Variants in ZNF570 observed in about 807,000 individuals in gnomAD.
The protein encoded by ZNF570 is zinc finger protein 570.
A neutral mutation model predicts 14.2 loss-of-function variants in ZNF570; 8 were observed. The ratio of observed to expected loss-of-function variants is 0.56; its 90% CI spans 0.33 to 1.02. ZNF570 has a LOEUF of 1.02. Ranked by LOEUF, ZNF570 falls within the 50% of genes least tolerant of loss-of-function variation. The pLI, the probability that ZNF570 is intolerant of heterozygous loss-of-function variation, is 0.03. For missense variants in ZNF570, 559 were observed against 624.9 expected (o/e 0.89, Z 1.12); for synonymous variants, 202 against 207.6 (o/e 0.97, Z 0.23).
At chr19:37,470,412 C>G (rs754392546) in intron 2 of ZNF570, 25 bp downstream of exon 2, 2 of 1,605,034 alleles carry the variant, frequency 1.2e-6, no homozygotes, top group Non-Finnish European at 1.7e-6. Context: ...TCTCGATTTC[C>G]TGAATACCTG....
intron 4 of ZNF570, among the ~76,000 whole-genome samples, chr19:37,477,088 C>A (rs2042034450): frequency 6.6e-6 from 1 of 152,044 alleles, no homozygotes; most frequent in Non-Finnish European, 1.5e-5. Context: ...GGATCTGATG[C>A]TATCTCCAGG....
intron 4 of ZNF570, among the ~76,000 whole-genome samples, chr19:37,482,023 A>T (rs778143448): frequency 2.0e-5 from 3 of 152,224 alleles, no homozygotes; most frequent in Non-Finnish European, 2.9e-5. Context: ...AAGTGGAATC[A>T]TACAGTATTT....
rs1346688049 is a variant in ZNF570, at chr19:37,484,865, A to G, written c.1243A>G (p.Lys415Glu). The change falls in exon 5 of 5, where the codon AAG (lysine) becomes GAG (glutamate). Residue 415 changes from lysine (K) to glutamate (E), a missense_variant. Physicochemically the swap from Lys to Glu is moderately conservative, Grantham distance 56. Transcript: ENST00000330173. ...AATTCATACTGGAGAAAAACCTTAT[A>G]AGTGTCAGGAATGTAGGAAAGCATT... ...QRIHTGEKPY[K>E]CQECRKAFSQ... 1 of 1,608,780 alleles carries G rather than the reference A, an allele frequency of 6.2e-7. No individual in the cohort carries two copies. The highest frequency in any genetic ancestry group is 1.1e-5 in the South Asian group (1 of 90,796).
chr19:37,476,367 A>G lies in ZNF570; in HGVS notation c.189A>G (p.Ile63Met). Residue 63 changes from isoleucine to methionine, a missense_variant, in exon 4 of 5, where the codon ATA becomes ATG. By Grantham distance (10) the Ile-to-Met change is conservative. Transcript: ENST00000330173. ...TTTGCTTTTCCAAACCAAGTGTGAT[A>G]TTATTGTTGGAACAAGGAAAAGCAC... ...LGLCFSKPSV[I>M]LLLEQGKAPW... 1.2e-6 allele frequency: 2 copies of G among 1,613,888 alleles called. No homozygotes were observed. The highest frequency in any genetic ancestry group is 8.5e-7 in the Non-Finnish European group (1 of 1,179,966).
intron 2 of ZNF570, 76 bp from the exon 3 acceptor site, chr19:37,475,805 A>G: frequency 7.3e-7 from 1 of 1,377,706 alleles, no homozygotes; most frequent in Non-Finnish European, 9.9e-7. Flanking sequence ...TATCAGAGAG[A>G]GCCCAGTGTG....
intron 2 of ZNF570, among the ~76,000 whole-genome samples, chr19:37,473,770 C>T (rs2041995441): frequency 6.6e-6 from 1 of 152,126 alleles, no homozygotes; most frequent in South Asian, 2.1e-4. Context: ...TCGAAGTGAC[C>T]AAAGAATGAT....
intron 2 of ZNF570, among the ~76,000 whole-genome samples, chr19:37,473,574 A>G (rs572869091): frequency 2.0e-5 from 3 of 152,288 alleles, no homozygotes; most frequent in East Asian, 3.9e-4. Context: ...GTTGAGGTAT[A>G]GGAGGTAGAA....
chr19:37,473,177 G>C (rs960914417), intron 2 of ZNF570, among the ~76,000 whole-genome samples: 1 of 152,182 alleles, frequency 6.6e-6, no homozygotes, highest in African/African-American at 2.4e-5. Flanking sequence ...CAGAGTGAAG[G>C]GATGAATGGA....
At chr19:37,477,288 C>CT (rs1491116906) in intron 4 of ZNF570, among the ~76,000 whole-genome samples, 17 of 115,430 alleles carry the variant, frequency 1.5e-4, no homozygotes, top group African/African-American at 5.1e-4. Context: ...GGGAGGTTGT[C>CT]GTGTGTGTGT....
At position 37,487,074 on chromosome 19, in the gene ZNF570, C is replaced by A. The variant is rs373058796; in HGVS notation, c.*1841C>A. The A allele has an allele frequency of 6.6e-6, 1 of 151,816 alleles. No individual in the cohort carries two copies. The highest frequency in any genetic ancestry group is 3.2e-3 in the Middle Eastern group (1 of 314). 9.4% of individuals were successfully genotyped at this position (151,816 alleles called of 1,614,324 possible). On this transcript the variant is annotated 3_prime_UTR_variant, in exon 5 of 5. Transcript: ENST00000330173. ...ACAGTTAGCCAGGTGTGGTGGCGCACGCCTGTAATCCCAGCTACTCAGGAG... is the reference window on the plus strand; with the variant it reads ...ACAGTTAGCCAGGTGTGGTGGCGCAAGCCTGTAATCCCAGCTACTCAGGAG...
chr19:37,473,671 T>C (rs368731897), intron 2 of ZNF570, among the ~76,000 whole-genome samples: 2 of 152,036 alleles, frequency 1.3e-5, no homozygotes, highest in Admixed American at 1.3e-4. Context: ...AATGAATGAC[T>C]GTAGAAGCGT....
In ZNF570 at chr19:37,488,309, TTTATA is replaced by T. The variant is rs2042177367; in HGVS notation, c.*3078_*3082del. On this transcript the variant is annotated 3_prime_UTR_variant, in exon 5 of 5. Transcript: ENST00000330173. ...TTAATGAAATTGAACTACAGACTAT[TTTATA>T]TAATACAGTATAACGTACAATTTCA... 6.6e-6 allele frequency: 1 copy of T among 152,132 alleles called. No individual in the cohort carries two copies. Among genetic ancestry groups the T allele is most frequent in the Non-Finnish European group, 1.5e-5 (1 of 68,044 alleles). The allele number at this position is 152,132 out of a possible 1,614,324, so 9.4% of individuals were successfully genotyped here. A position where few individuals can be genotyped will look rare whatever the true frequency, so the allele number is the denominator to read the frequency against.
chr19:37,479,615 TAAATACA>T (rs1473160256), intron 4 of ZNF570, among the ~76,000 whole-genome samples: 2 of 152,166 alleles, frequency 1.3e-5, no homozygotes, highest in Non-Finnish European at 2.9e-5. Flanking sequence ...ACTCTGGTGG[TAAATACA>T]TAAATTTTTT....
Position 37,485,484 on chromosome 19 carries a change from T to G in ZNF570, c.*251T>G, listed in dbSNP as rs2042145765. On this transcript the variant is annotated 3_prime_UTR_variant, in exon 5 of 5. Coordinates refer to ENST00000330173, the MANE Select transcript of ZNF570 (RefSeq NM_144694.5). ...GTACAGTGGGACGATCTCAGCTCAC[T>G]GCAACCTCTGACTCCCAGCCTCTGC... The G allele has an allele frequency of 2.8e-6, 1 of 355,202 alleles. No homozygotes were observed. The highest frequency in any genetic ancestry group is 2.1e-5 in the African/African-American group (1 of 47,502). 22.0% of individuals were successfully genotyped at this position (355,202 alleles called of 1,614,324 possible). A position where few individuals can be genotyped will look rare whatever the true frequency, so the allele number is the denominator to read the frequency against.
In ZNF570 at chr19:37,486,559, A is replaced by G. The variant is rs890969594; in HGVS notation, c.*1326A>G. 1 of 152,220 alleles carries G rather than the reference A, an allele frequency of 6.6e-6. No individual in the cohort carries two copies. Among genetic ancestry groups the G allele is most frequent in the Non-Finnish European group, 1.5e-5 (1 of 68,044 alleles). 9.4% of individuals were successfully genotyped at this position (152,220 alleles called of 1,614,324 possible). A position where few individuals can be genotyped will look rare whatever the true frequency, so the allele number is the denominator to read the frequency against. On this transcript the variant is annotated 3_prime_UTR_variant, in exon 5 of 5. Transcript: ENST00000330173. ...TCAGGCACTGTCTTACATACTCTAC[A>G]TATATTAACTCATCTACTCCTCACA...
In ZNF570 at chr19:37,484,587, G is replaced by A; in HGVS notation, c.965G>A (p.Arg322Lys). 6.2e-7 allele frequency: 1 copy of A among 1,614,142 alleles called. No homozygotes were observed. The highest frequency in any genetic ancestry group is 8.5e-7 in the Non-Finnish European group (1 of 1,180,004). Reference protein sequence around the residue: ...SQFAYLAQHQRVHTGEKPYEC... With the variant: ...SQFAYLAQHQKVHTGEKPYEC... Reference sequence around the variant, plus strand: ...TTTGCCTACCTTGCTCAACATCAGAGAGTTCACACGGGAGAGAAACCCTAT... The same window carrying A: ...TTTGCCTACCTTGCTCAACATCAGAAAGTTCACACGGGAGAGAAACCCTAT... Residue 322 changes from arginine to lysine, a missense_variant, in exon 5 of 5, where the codon AGA (arginine) becomes AAA (lysine). Coordinates refer to ENST00000330173, the MANE Select transcript of ZNF570 (RefSeq NM_144694.5).
At chr19:37,469,983 G>A (rs935545756) in intron 1 of ZNF570, among the ~76,000 whole-genome samples, 5 of 152,188 alleles carry the variant, frequency 3.3e-5, no homozygotes, top group Admixed American at 2.6e-4. Context: ...TGATTTATTG[G>A]AGAGGAGGAT....
chr19:37,483,299 C>A lies in ZNF570; in HGVS notation c.257-580C>A, dbSNP rs181909308. ...ACTGACTTTTTCACTTTCTTCAAAT[C>A]TTTGCTTAAATGTTAACTTGTTAAT... On this transcript the variant is annotated intron_variant, in intron 4 of 4. Coordinates refer to ENST00000330173, the MANE Select transcript of ZNF570 (RefSeq NM_144694.5). 4.4e-3 allele frequency among the ~76,000 whole-genome samples: 674 copies of A among 152,250 alleles called. 12 individuals are homozygous for A. In the South Asian group the frequency reaches 0.052, roughly 12 times the overall value.
At chr19:37,473,864 A>G (rs1374529868) in intron 2 of ZNF570, among the ~76,000 whole-genome samples, 1 of 152,258 alleles carries the variant, frequency 6.6e-6, no homozygotes, top group Non-Finnish European at 1.5e-5. Context: ...ATCAGAAATT[A>G]GTAGATATAT....
Sources: gnomAD v4.1 joint callset for allele counts (sites outside exome capture counted in the v4.1 genomes callset) on GRCh38, gnomAD v4.1.1 for gene constraint, MANE v1.5 for transcripts, NCBI Gene and HGNC (gene_info 2026-07-23, HGNC 2026-07-21) for gene names.